The following PRKAR1B variants were observed in gnomAD, a reference collection of about 807,000 sequenced individuals.
PRKAR1B encodes the protein protein kinase cAMP-dependent type I regulatory subunit beta.
PRKAR1B carries 22 observed loss-of-function variants against 46.5 expected under a neutral mutation model. The observed-to-expected ratio is 0.47, with a 90% CI of 0.34 to 0.68. PRKAR1B has a LOEUF of 0.68. Among genes scored for constraint, PRKAR1B ranks in the 30% least tolerant of loss-of-function variants. The pLI, the probability that PRKAR1B is intolerant of heterozygous loss-of-function variation, is 0.01. For synonymous variants in PRKAR1B, 259 were observed against 217.7 expected (o/e 1.19, Z -1.67); for missense variants, 445 against 535.6 (o/e 0.83, Z 1.67).
chr7:662,460 C>A (rs1389841595), intron 4 of PRKAR1B, among the ~76,000 whole-genome samples: 1 of 120,058 alleles, frequency 8.3e-6, no homozygotes, highest in Non-Finnish European at 1.8e-5. Flanking sequence ...AAGTTCCCCA[C>A]CCCAACGGGT....
At chr7:590,107 G>A (rs1427216803) in intron 7 of PRKAR1B, among the ~76,000 whole-genome samples, 1 of 152,238 alleles carries the variant, frequency 6.6e-6, no homozygotes, top group African/African-American at 2.4e-5. Context: ...GGTGCCTGGA[G>A]ACCAGAAGAC....
At chr7:555,293 G>C (rs1778358509) in intron 9 of PRKAR1B, among the ~76,000 whole-genome samples, 1 of 152,168 alleles carries the variant, frequency 6.6e-6, no homozygotes, top group Middle Eastern at 3.2e-3. Context: ...CGGGGCTGCT[G>C]TGCCGACTGC....
chr7:567,526 CCAT>C (rs1465428738), intron 9 of PRKAR1B, among the ~76,000 whole-genome samples: 2 of 145,514 alleles, frequency 1.4e-5, no homozygotes, highest in Admixed American at 1.4e-4. Context: ...ATCACCATCA[CCAT>C]CATCACTATC....
chr7:637,814 C>A (rs1040168977), intron 4 of PRKAR1B, among the ~76,000 whole-genome samples: 2 of 151,890 alleles, frequency 1.3e-5, no homozygotes, highest in African/African-American at 4.8e-5. Flanking sequence ...GCCTGGGGGA[C>A]AAGAGAGAGA....
At chr7:697,867 A>C (rs1013137804) in intron 2 of PRKAR1B, among the ~76,000 whole-genome samples, 1 of 136,968 alleles carries the variant, frequency 7.3e-6, no homozygotes, top group Non-Finnish European at 1.6e-5. Flanking sequence ...AAACAAGGGA[A>C]GGCGAAGGAA....
intron 9 of PRKAR1B, 162 bp downstream of exon 9, chr7:579,094 G>A (rs1003809846): frequency 1.2e-5 from 12 of 985,342 alleles, no homozygotes; most frequent in Non-Finnish European, 1.4e-5. Flanking sequence ...AGGAATGTGA[G>A]GCCACAGACC....
chr7:576,069 C>CACGGCTGGGGT (rs1779805897), intron 9 of PRKAR1B, among the ~76,000 whole-genome samples: 2 of 151,698 alleles, frequency 1.3e-5, no homozygotes, highest in Non-Finnish European at 2.9e-5. Context: ...ACACAGGCAT[C>CACGGCTGGGGT]CTCTCCTCTG....
Position 680,746 on chromosome 7 carries a change from A to G in PRKAR1B, c.178-20T>C, listed in dbSNP as rs1177558194. 6.2e-7 allele frequency: 1 copy of G among 1,613,116 alleles called. No homozygotes were observed. The highest frequency in any genetic ancestry group is 1.1e-5 in the South Asian group (1 of 91,050). ...TTCTTCCTGTGTGGGAGAGGAAAAC[A>G]CAGAAAGGAAGTAAGAACCTGGCTG... On this transcript the variant is annotated intron_variant, in intron 2 of 10. Coordinates refer to ENST00000537384, the MANE Select transcript of PRKAR1B (RefSeq NM_001164760.2).
intron 1 of PRKAR1B, among the ~76,000 whole-genome samples, chr7:724,299 C>T (rs1000311517): frequency 5.9e-5 from 9 of 152,158 alleles, no homozygotes; most frequent in African/African-American, 1.9e-4. Context: ...ACAATTCCCA[C>T]GTGTTGTGGG....
At chr7:727,343 C>T (rs1342042536), upstream of PRKAR1B, 3 of 1,195,698 alleles carry the variant, frequency 2.5e-6, no homozygotes, top group Non-Finnish European at 2.1e-6. Context: ...CGCTCCCACA[C>T]GCCACCCCAC....
At chr7:712,621 A>C (rs1338643015) in intron 1 of PRKAR1B, 7 of 14,222 alleles carry the variant, frequency 4.9e-4, no homozygotes, top group East Asian at 6.3e-3. Context: ...CGGGGCCCCC[A>C]ACCCCGGCCC....
At chr7:571,649 C>T (rs907692934) in intron 9 of PRKAR1B, among the ~76,000 whole-genome samples, 2 of 152,182 alleles carry the variant, frequency 1.3e-5, no homozygotes, top group South Asian at 2.1e-4. Context: ...GGGATTTTTA[C>T]GGGGAACCGG....
At chr7:707,810 C>T (rs1325782399) in intron 2 of PRKAR1B, among the ~76,000 whole-genome samples, 1 of 152,034 alleles carries the variant, frequency 6.6e-6, no homozygotes, top group Non-Finnish European at 1.5e-5. Context: ...CTGGGGGAGA[C>T]ACAGAACCTT....
Position 607,412 on chromosome 7 carries a change from C to T in PRKAR1B, c.481G>A (p.Gly161Arg). 6.2e-7 allele frequency: 1 copy of T among 1,613,936 alleles called. No individual in the cohort carries two copies. The highest frequency in any genetic ancestry group is 8.5e-7 in the Non-Finnish European group (1 of 1,179,874). Residue 161 changes from glycine (G) to arginine (R), a missense_variant, in exon 5 of 11, where the codon GGG becomes AGG. Transcript: ENST00000537384. Reference sequence around the variant, plus strand: ...GTACCTTGCTGTATAACAGTCTCCCCAGCGATGTGAGTGACAGGGAACATG... The same window carrying T: ...GTACCTTGCTGTATAACAGTCTCCCTAGCGATGTGAGTGACAGGGAACATG... ...DAMFPVTHIA[G>R]ETVIQQGNEG...
intron 4 of PRKAR1B, 56 bp from the exon 5 acceptor site, chr7:607,508 C>T (rs1782164356): frequency 7.1e-7 from 1 of 1,415,374 alleles, no homozygotes; most frequent in East Asian, 2.3e-5. Context: ...ACATTTAAAC[C>T]CTTCCTCCCC....
intron 4 of PRKAR1B, among the ~76,000 whole-genome samples, chr7:632,234 G>A (rs1247481482): frequency 6.6e-6 from 1 of 152,150 alleles, no homozygotes; most frequent in Non-Finnish European, 1.5e-5. Flanking sequence ...TTTAAACACT[G>A]TGAAATTCTG....
intron 7 of PRKAR1B, among the ~76,000 whole-genome samples, chr7:590,955 C>T (rs946592530): frequency 6.6e-6 from 1 of 152,126 alleles, no homozygotes; most frequent in African/African-American, 2.4e-5. Context: ...GGGGCAGTGG[C>T]AGGCGCAATG....
chr7:711,655 A>G, intron 1 of PRKAR1B, 128 bp from the exon 2 acceptor site: 1 of 869,646 alleles, frequency 1.1e-6, no homozygotes, highest in Non-Finnish European at 1.7e-6. Context: ...TGCATTTGTC[A>G]AAGATCTTTC....
chr7:575,117 G>T (rs1779743090), intron 9 of PRKAR1B, among the ~76,000 whole-genome samples: 1 of 152,240 alleles, frequency 6.6e-6, no homozygotes, highest in Non-Finnish European at 1.5e-5. Context: ...TTCGGGGGTT[G>T]GAGGGGCTCA....
Sources: allele counts gnomAD v4.1 joint callset (sites outside exome capture counted in the v4.1 genomes callset), GRCh38; gene constraint gnomAD v4.1.1; transcripts MANE v1.5; gene names NCBI Gene and HGNC (gene_info 2026-07-23, HGNC 2026-07-21).